The following DPYD variants were observed in gnomAD, a reference collection of about 807,000 sequenced individuals.
The protein encoded by DPYD is dihydropyrimidine dehydrogenase.
Under a neutral mutation model 116.2 loss-of-function variants are expected in DPYD, and 109 were observed. The observed-to-expected ratio is 0.94, with a 90% CI of 0.80 to 1.10. The LOEUF (loss-of-function observed/expected upper bound fraction) is 1.10. Ranked by LOEUF, DPYD falls within the 50% of genes least tolerant of loss-of-function variation. The pLI is 0.00. For missense variants in DPYD, 1,302 were observed against 1,254.5 expected (o/e 1.04, Z -0.57); for synonymous variants, 440 against 432.0 (o/e 1.02, Z -0.23).
At chr1:97,695,770 G>A (rs1317858633) in intron 6 of DPYD, among the ~76,000 whole-genome samples, 1 of 151,994 alleles carries the variant, frequency 6.6e-6, no homozygotes, top group Non-Finnish European at 1.5e-5. Flanking sequence ...ACTAAAGGAA[G>A]AATGAATTTG....
At chr1:97,529,992 C>T (rs900772341) in intron 12 of DPYD, among the ~76,000 whole-genome samples, 1 of 150,936 alleles carries the variant, frequency 6.6e-6, no homozygotes, top group African/African-American at 2.4e-5. Flanking sequence ...TCCCTCTCAC[C>T]CATCTCCTGG....
At chr1:97,630,777 C>A (rs1160217220) in intron 8 of DPYD, among the ~76,000 whole-genome samples, 4 of 152,006 alleles carry the variant, frequency 2.6e-5, no homozygotes, top group Admixed American at 2.0e-4. Context: ...AAGATAAGTT[C>A]TATAATAGGA....
intron 20 of DPYD, among the ~76,000 whole-genome samples, chr1:97,183,420 G>T (rs1450870924): frequency 6.6e-6 from 1 of 152,008 alleles, no homozygotes; most frequent in Non-Finnish European, 1.5e-5. Flanking sequence ...GTGTATATGT[G>T]TGGGTCTATT....
At chr1:97,821,208 G>A (rs1398313765) in intron 3 of DPYD, among the ~76,000 whole-genome samples, 2 of 151,578 alleles carry the variant, frequency 1.3e-5, no homozygotes, top group Non-Finnish European at 2.9e-5. Flanking sequence ...GCACATGCCT[G>A]TAATCCCAGC....
chr1:97,724,178 A>T (rs1193407941), intron 4 of DPYD, among the ~76,000 whole-genome samples: 1 of 151,670 alleles, frequency 6.6e-6, no homozygotes, highest in Admixed American at 6.6e-5. Context: ...CACAGTTAAC[A>T]TCTCACTTTA....
At chr1:97,210,618 G>T (rs1431318403) in intron 19 of DPYD, among the ~76,000 whole-genome samples, 1 of 152,144 alleles carries the variant, frequency 6.6e-6, no homozygotes, top group African/African-American at 2.4e-5. Context: ...CTAGCTAGGA[G>T]ATAAGACATA....
intron 5 of DPYD, among the ~76,000 whole-genome samples, chr1:97,717,603 C>A (rs962143493): frequency 2.6e-5 from 4 of 152,048 alleles, no homozygotes; most frequent in African/African-American, 9.7e-5. Flanking sequence ...CCCACCATTT[C>A]TCTTCCCCCT....
At chr1:97,539,350 A>G (rs561113902) in intron 12 of DPYD, among the ~76,000 whole-genome samples, 10 of 152,288 alleles carry the variant, frequency 6.6e-5, no homozygotes, top group Non-Finnish European at 1.2e-4. Context: ...CCCACTTGGA[A>G]GAAAATAGAT....
intron 3 of DPYD, among the ~76,000 whole-genome samples, chr1:97,748,424 C>T (rs944755629): frequency 3.9e-5 from 6 of 151,958 alleles, no homozygotes; most frequent in Non-Finnish European, 7.4e-5. Flanking sequence ...CTGGCTAACA[C>T]GGTGAAACCC....
chr1:97,849,139 T>C (rs562784936), intron 2 of DPYD, among the ~76,000 whole-genome samples: 1 of 152,302 alleles, frequency 6.6e-6, no homozygotes, highest in Non-Finnish European at 1.5e-5. Flanking sequence ...ACTTAAATAA[T>C]GTGTAGTATA....
chr1:97,442,535 T>G (rs2101765182), intron 14 of DPYD, among the ~76,000 whole-genome samples: 1 of 152,114 alleles, frequency 6.6e-6, no homozygotes, highest in Non-Finnish European at 1.5e-5. Context: ...TTTTCTTTGC[T>G]TCTATGCTGA....
At chr1:97,870,564 A>G (rs1671606253) in intron 2 of DPYD, among the ~76,000 whole-genome samples, 1 of 151,836 alleles carries the variant, frequency 6.6e-6, no homozygotes, top group Non-Finnish European at 1.5e-5. Context: ...TACATGCAAT[A>G]TTAATGATCT....
At chr1:97,689,546 T>TA (rs1324117843) in intron 7 of DPYD, among the ~76,000 whole-genome samples, 1 of 152,032 alleles carries the variant, frequency 6.6e-6, no homozygotes, top group African/African-American at 2.4e-5. Flanking sequence ...AATACATACA[T>TA]ACATATATAA....
At chr1:97,583,492 C>T (rs1256073265) in intron 10 of DPYD, among the ~76,000 whole-genome samples, 1 of 152,126 alleles carries the variant, frequency 6.6e-6, no homozygotes, top group Non-Finnish European at 1.5e-5. Context: ...TTCTGTGTAA[C>T]TTGGTGCCTT....
At chr1:97,164,356 A>C (rs1358333746) in intron 20 of DPYD, among the ~76,000 whole-genome samples, 1 of 152,156 alleles carries the variant, frequency 6.6e-6, no homozygotes, top group Admixed American at 6.6e-5. Context: ...ATTCCCCTTG[A>C]AAACCAGCAC....
intron 8 of DPYD, among the ~76,000 whole-genome samples, chr1:97,667,313 C>T (rs1391429918): frequency 6.6e-6 from 1 of 152,040 alleles, no homozygotes; most frequent in Non-Finnish European, 1.5e-5. Flanking sequence ...GGCATATAAT[C>T]TAATTGAGGC....
At chr1:97,630,145 C>T (rs954579348) in intron 8 of DPYD, among the ~76,000 whole-genome samples, 1 of 151,160 alleles carries the variant, frequency 6.6e-6, no homozygotes, top group Non-Finnish European at 1.5e-5. Context: ...TAGTTTTTGG[C>T]TATTACGGAT....
chr1:97,487,145 T>C (rs528228341), intron 13 of DPYD, among the ~76,000 whole-genome samples: 1 of 152,266 alleles, frequency 6.6e-6, no homozygotes, highest in East Asian at 1.9e-4. Flanking sequence ...ATGACCAATT[T>C]CATACATAAT....
chr1:97,187,150 T>C (rs1658054839), intron 20 of DPYD, among the ~76,000 whole-genome samples: 1 of 152,178 alleles, frequency 6.6e-6, no homozygotes, highest in East Asian at 1.9e-4. Context: ...GAGAAATCTC[T>C]ATACTCTTTT....
Sources: gnomAD v4.1 joint callset for allele counts (sites outside exome capture counted in the v4.1 genomes callset) on GRCh38, gnomAD v4.1.1 for gene constraint, MANE v1.5 for transcripts, NCBI Gene and HGNC (gene_info 2026-07-23, HGNC 2026-07-21) for gene names.